Variants in RBFOX1 observed in about 807,000 individuals in gnomAD.
The protein encoded by RBFOX1 is RNA binding protein fox-1 homolog 1.
Under a neutral mutation model 57.7 loss-of-function variants are expected in RBFOX1, and 8 were observed. The ratio of observed to expected loss-of-function variants is 0.14; its 90% CI spans 0.08 to 0.25. The LOEUF (loss-of-function observed/expected upper bound fraction) is 0.25, where lower values mean the gene tolerates loss of function less well. Among genes scored for constraint, RBFOX1 ranks in the 10% least tolerant of loss-of-function variants. The pLI, the probability that RBFOX1 is intolerant of heterozygous loss-of-function variation, is 1.00. For synonymous variants in RBFOX1, 326 were observed against 222.4 expected, an observed-to-expected ratio of 1.47 and a Z score of -4.15; for missense variants, 611 against 548.5, an observed-to-expected ratio of 1.11 and a Z score of -1.14.
chr16:5,840,756 G>A (rs765959793), intron 3 of RBFOX1, among the ~76,000 whole-genome samples: 3 of 152,194 alleles, frequency 2.0e-5, no homozygotes, highest in Non-Finnish European at 2.9e-5. Flanking sequence ...AGCATGGCCT[G>A]TGTGATCCAC....
At chr16:7,288,978 C>T (rs1195691747) in intron 4 of RBFOX1, among the ~76,000 whole-genome samples, 1 of 152,146 alleles carries the variant, frequency 6.6e-6, no homozygotes. Flanking sequence ...AAGTGACAGC[C>T]TGCTGAGAAT....
intron 4 of RBFOX1, among the ~76,000 whole-genome samples, chr16:5,966,575 C>G (rs1166141340): frequency 6.6e-6 from 1 of 152,204 alleles, no homozygotes; most frequent in Non-Finnish European, 1.5e-5. Context: ...CTGCCTCAGC[C>G]TCCCAAGTAG....
At chr16:6,405,361 T>C (rs538484057) in intron 2 of RBFOX1, among the ~76,000 whole-genome samples, 2 of 152,162 alleles carry the variant, frequency 1.3e-5, no homozygotes, top group African/African-American at 2.4e-5. Flanking sequence ...AATAGCTTCA[T>C]AAAACAAAGC....
At chr16:5,241,586 A>G (rs560908949) in intron 1 of RBFOX1, among the ~76,000 whole-genome samples, 2 of 152,342 alleles carry the variant, frequency 1.3e-5, no homozygotes, top group African/African-American at 4.8e-5. Context: ...GGCACACGCC[A>G]GTTACCCTGT....
chr16:5,323,174 G>A (rs1311646899), intron 1 of RBFOX1, among the ~76,000 whole-genome samples: 1 of 152,158 alleles, frequency 6.6e-6, no homozygotes, highest in Non-Finnish European at 1.5e-5. Flanking sequence ...TGCTGTATGC[G>A]TACATATTAA....
At chr16:6,750,861 C>A (rs2074799294) in intron 3 of RBFOX1, among the ~76,000 whole-genome samples, 1 of 152,102 alleles carries the variant, frequency 6.6e-6, no homozygotes, top group Non-Finnish European at 1.5e-5. Context: ...AACCAGGAAG[C>A]TGAAATAGTG....
chr16:5,919,510 T>A (rs911448697), intron 4 of RBFOX1, among the ~76,000 whole-genome samples: 1 of 146,480 alleles, frequency 6.8e-6, no homozygotes, highest in Non-Finnish European at 1.5e-5. Flanking sequence ...GCCCGGCTAA[T>A]TTTTTGTATT....
chr16:6,984,547 A>T (rs1225995992), intron 3 of RBFOX1, among the ~76,000 whole-genome samples: 2 of 152,182 alleles, frequency 1.3e-5, no homozygotes, highest in Non-Finnish European at 2.9e-5. Context: ...ATGGTGCAGC[A>T]GCCCATTGAG....
chr16:7,320,288 C>G (rs1479014030), intron 4 of RBFOX1, among the ~76,000 whole-genome samples: 1 of 152,014 alleles, frequency 6.6e-6, no homozygotes, highest in African/African-American at 2.4e-5. Context: ...TCCATGTGTT[C>G]TCATTGTTCA....
intron 2 of RBFOX1, among the ~76,000 whole-genome samples, chr16:5,582,735 C>T (rs2046713189): frequency 6.6e-6 from 1 of 151,942 alleles, no homozygotes; most frequent in Non-Finnish European, 1.5e-5. Context: ...CAAAGCCCAT[C>T]ATCTCAACCT....
chr16:6,826,634 T>G (rs1006046054), intron 3 of RBFOX1, among the ~76,000 whole-genome samples: 1 of 152,102 alleles, frequency 6.6e-6, no homozygotes, highest in Non-Finnish European at 1.5e-5. Context: ...TTTCTTTTTT[T>G]TAAAAACCTT....
At chr16:7,696,404 C>T (rs777554746) in intron 14 of RBFOX1, among the ~76,000 whole-genome samples, 3 of 151,972 alleles carry the variant, frequency 2.0e-5, no homozygotes, top group Non-Finnish European at 2.9e-5. Flanking sequence ...AAATGATTTT[C>T]CCTTCTTAGA....
At chr16:6,159,600 T>A (rs200995901) in intron 1 of RBFOX1, among the ~76,000 whole-genome samples, 1 of 152,252 alleles carries the variant, frequency 6.6e-6, no homozygotes, top group East Asian at 1.9e-4. Context: ...AAGTTTGCCT[T>A]CCCCTCCTGC....
intron 1 of RBFOX1, among the ~76,000 whole-genome samples, chr16:5,408,997 A>G (rs763312418): frequency 1.3e-5 from 2 of 152,234 alleles, no homozygotes; most frequent in African/African-American, 2.4e-5. Context: ...GGTGGCGACA[A>G]ATATACAAAC....
chr16:7,022,516 C>A (rs180888569), intron 3 of RBFOX1, among the ~76,000 whole-genome samples: 215 of 152,144 alleles, frequency 1.4e-3, no homozygotes, highest in Non-Finnish European at 2.5e-3. Context: ...ACTCCAGATT[C>A]CCTGTGAGGT....
At chr16:5,636,699 G>A (rs2048696151) in intron 3 of RBFOX1, among the ~76,000 whole-genome samples, 1 of 152,188 alleles carries the variant, frequency 6.6e-6, no homozygotes. Flanking sequence ...CATACCCTTG[G>A]AAGGGCCATC....
intron 1 of RBFOX1, among the ~76,000 whole-genome samples, chr16:6,060,752 A>G (rs1464857658): frequency 6.6e-6 from 1 of 152,232 alleles, no homozygotes; most frequent in African/African-American, 2.4e-5. Flanking sequence ...GTTCAGTCAT[A>G]GAACCCAAGA....
chr16:6,815,519 C>G (rs1253924356), intron 3 of RBFOX1, among the ~76,000 whole-genome samples: 2 of 152,176 alleles, frequency 1.3e-5, no homozygotes, highest in African/African-American at 2.4e-5. Context: ...AATTGTCACT[C>G]CAGCATCCCC....
chr16:6,480,314 C>T (rs928497831), intron 2 of RBFOX1, among the ~76,000 whole-genome samples: 6 of 152,086 alleles, frequency 3.9e-5, no homozygotes, highest in Non-Finnish European at 7.3e-5. Flanking sequence ...TGTAAAGGGC[C>T]AGAGAGTAAA....
Sources: gnomAD v4.1 joint callset for allele counts (sites outside exome capture counted in the v4.1 genomes callset) on GRCh38, gnomAD v4.1.1 for gene constraint, MANE v1.5 for transcripts, NCBI Gene and HGNC (gene_info 2026-07-23, HGNC 2026-07-21) for gene names.